Variants in FAM83B observed in about 807,000 individuals in gnomAD.
FAM83B encodes protein FAM83B.
FAM83B carries 26 observed loss-of-function variants against 38.8 expected under a neutral mutation model. The observed-to-expected ratio is 0.67, with a 90% CI of 0.49 to 0.93. The LOEUF is 0.93. Ranked by LOEUF, FAM83B falls within the 40% of genes least tolerant of loss-of-function variation. The pLI, the probability that FAM83B is intolerant of heterozygous loss-of-function variation, is 0.00. For synonymous variants in FAM83B, 419 were observed against 423.1 expected (o/e 0.99, Z 0.12); for missense variants, 1,237 against 1,197.3 (o/e 1.03, Z -0.49).
At chr6:54,849,077 T>C (rs1341854923) in intron 1 of FAM83B, among the ~76,000 whole-genome samples, 1 of 152,194 alleles carries the variant, frequency 6.6e-6, no homozygotes, top group Admixed American at 6.5e-5. Flanking sequence ...TGTTGTTGAA[T>C]TTATCATCTG....
At chr6:54,939,260 G>A (rs111489991) in intron 4 of FAM83B, among the ~76,000 whole-genome samples, 6,226 of 152,144 alleles carry the variant, frequency 0.041, 142 homozygotes, top group Non-Finnish European at 0.044. Context: ...TTTGGTAACC[G>A]TAGCCTTGTA....
chr6:54,941,768 G>T lies in FAM83B; in HGVS notation c.2797G>T (p.Val933Phe), dbSNP rs754035830. 2 of 1,614,082 alleles carry T rather than the reference G, an allele frequency of 1.2e-6. No homozygotes were observed. The highest frequency in any genetic ancestry group is 1.7e-6 in the Non-Finnish European group (2 of 1,180,016). ...LLRSHSTDRR[V>F]YSRFEPFCKI... Reference sequence around the variant, plus strand: ...ACGATCTCATTCAACTGATCGGCGTGTTTACAGTCGTTTTGAGCCGTTTTG... The same window carrying T: ...ACGATCTCATTCAACTGATCGGCGTTTTTACAGTCGTTTTGAGCCGTTTTG... The change falls in exon 5 of 5, where the codon GTT becomes TTT. Residue 933 changes from valine (V) to phenylalanine (F), a missense_variant. Coordinates refer to ENST00000306858, the MANE Select transcript of FAM83B (RefSeq NM_001010872.3).
chr6:54,936,089 T>C (rs1206191614), intron 4 of FAM83B, among the ~76,000 whole-genome samples: 1 of 152,110 alleles, frequency 6.6e-6, no homozygotes, highest in Non-Finnish European at 1.5e-5. Flanking sequence ...GTTAATGGCA[T>C]AGAAATCACC....
At chr6:54,871,833 G>C (rs973766536) in intron 2 of FAM83B, among the ~76,000 whole-genome samples, 1 of 148,320 alleles carries the variant, frequency 6.7e-6, no homozygotes, top group African/African-American at 2.5e-5. Flanking sequence ...ATGACTATGT[G>C]ATACAAAAAT....
chr6:54,888,578 C>G (rs540346631), intron 2 of FAM83B, among the ~76,000 whole-genome samples: 1 of 151,866 alleles, frequency 6.6e-6, no homozygotes, highest in Admixed American at 6.6e-5. Context: ...GTTATTTTAT[C>G]TTTAGGCCTT....
rs1346547978 is a variant in FAM83B at position 54,878,795 on chromosome 6, G to A, written c.444+8105G>A. Among the ~76,000 whole-genome samples, 4 of 152,108 alleles carry A rather than the reference G, an allele frequency of 2.6e-5. No homozygotes were observed. The East Asian group carries it at 7.7e-4, about 29-fold the overall frequency. ...ATTTTAAACCTGCTATATTTTAACA[G>A]TATACTTCTGGCTGTAATATTGAAA... On this transcript the variant is annotated intron_variant, in intron 2 of 4. Transcript: ENST00000306858.
rs1771480797 is a variant in FAM83B, at chr6:54,857,938, C to G, written c.-61+11112C>G. On this transcript the variant is annotated intron_variant, in intron 1 of 4. Coordinates refer to ENST00000306858, the MANE Select transcript of FAM83B (RefSeq NM_001010872.3). ...TGGATGGAACAGCTAGTGCAAAGAT[C>G]CTAAGTTGGAAATTAACTCAGGATG... 2.6e-5 allele frequency among the ~76,000 whole-genome samples: 4 copies of G among 152,020 alleles called. No homozygotes were observed. The South Asian group carries it at 8.3e-4, about 32-fold the overall frequency.
At chr6:54,928,477 T>C (rs547657768) in intron 4 of FAM83B, among the ~76,000 whole-genome samples, 17 of 152,182 alleles carry the variant, frequency 1.1e-4, no homozygotes, top group African/African-American at 4.1e-4. Flanking sequence ...ATTAAATGAG[T>C]TCATGCATCC....
At position 54,940,329 on chromosome 6, in the gene FAM83B, C is replaced by A. The variant is rs201956396; in HGVS notation, c.1358C>A (p.Thr453Lys). The A allele has an allele frequency of 6.2e-7, 1 of 1,614,024 alleles. No individual in the cohort carries two copies. The highest frequency in any genetic ancestry group is 2.2e-5 in the East Asian group (1 of 44,856). ...SFANRLAQRK[T>K]TNLADRNSNV... is the part of the protein sequence containing the mutation. ...GCCAATCGGCTTGCGCAGAGAAAAA[C>A]AACAAATCTTGCAGACAGGAATTCA... Residue 453 changes from threonine to lysine, a missense_variant, in exon 5 of 5, where the codon ACA becomes AAA. Physicochemically the swap from Thr to Lys is moderately conservative, Grantham distance 78. Coordinates refer to ENST00000306858, the MANE Select transcript of FAM83B (RefSeq NM_001010872.3).
chr6:54,914,419 A>G (rs1004746324), intron 2 of FAM83B, among the ~76,000 whole-genome samples: 3 of 152,092 alleles, frequency 2.0e-5, no homozygotes, highest in Non-Finnish European at 2.9e-5. Context: ...ATCAAACCCA[A>G]TGAATTTGAA....
At chr6:54,934,116 C>T (rs1773481126) in intron 4 of FAM83B, among the ~76,000 whole-genome samples, 2 of 152,068 alleles carry the variant, frequency 1.3e-5, no homozygotes, top group Middle Eastern at 3.2e-3. Context: ...CTATGGGGTA[C>T]GTAGGGCTTG....
chr6:54,906,826 A>G (rs1772786578), intron 2 of FAM83B, among the ~76,000 whole-genome samples: 1 of 152,230 alleles, frequency 6.6e-6, no homozygotes, highest in Non-Finnish European at 1.5e-5. Context: ...GCTAAGAATT[A>G]TATTTCAGTC....
chr6:54,870,573 A>G lies in FAM83B; in HGVS notation c.327A>G (p.Pro109=). The part of the protein sequence containing the change: ...VEAPNLDLGW[P]YVMPGLLGGT... ...CTCCAAATCTTGACTTAGGCTGGCC[A>G]TATGTGATGCCCGGACTCTTAGGGG... Residue 109 remains proline, a synonymous_variant, in exon 2 of 5, where the codon CCA becomes CCG. Coordinates refer to ENST00000306858, the MANE Select transcript of FAM83B (RefSeq NM_001010872.3). 6.2e-7 allele frequency: 1 copy of G among 1,614,110 alleles called. No homozygotes were observed. The highest frequency in any genetic ancestry group is 8.5e-7 in the Non-Finnish European group (1 of 1,179,994).
At chr6:54,907,728 T>C (rs990430580) in intron 2 of FAM83B, among the ~76,000 whole-genome samples, 21 of 152,134 alleles carry the variant, frequency 1.4e-4, no homozygotes, top group African/African-American at 5.1e-4. Flanking sequence ...GTATGAATTT[T>C]TTCTGTTCCA....
At chr6:54,864,209 TAGC>T (rs1447485241) in intron 1 of FAM83B, among the ~76,000 whole-genome samples, 1 of 152,100 alleles carries the variant, frequency 6.6e-6, no homozygotes, top group African/African-American at 2.4e-5. Flanking sequence ...AGAAGGCAAA[TAGC>T]AGCCAGTACA....
intron 4 of FAM83B, among the ~76,000 whole-genome samples, chr6:54,930,109 C>T (rs1773388353): frequency 6.6e-6 from 1 of 151,894 alleles, no homozygotes; most frequent in Non-Finnish European, 1.5e-5. Context: ...TTCTTGTCTG[C>T]ATTATAGTTT....
intron 2 of FAM83B, among the ~76,000 whole-genome samples, chr6:54,880,592 G>A (rs1772111035): frequency 6.6e-6 from 1 of 151,740 alleles, no homozygotes; most frequent in Non-Finnish European, 1.5e-5. Flanking sequence ...TTACAGGTGT[G>A]CGCCACCATG....
At position 54,886,899 on chromosome 6, in the gene FAM83B, T is replaced by G. The variant is rs184030626; in HGVS notation, c.444+16209T>G. ...TATCTTATGAGATTCAATATTTATA[T>G]ATACCTTATTATTATTTAAACTATC... On this transcript the variant is annotated intron_variant, in intron 2 of 4. Coordinates refer to ENST00000306858, the MANE Select transcript of FAM83B (RefSeq NM_001010872.3). Among the ~76,000 whole-genome samples the G allele has an allele frequency of 7.0e-3, 1,057 of 151,580 alleles. 7 individuals are homozygous for G. Among genetic ancestry groups the G allele is most frequent in the African/African-American group, 0.024 (994 of 40,950 alleles).
At chr6:54,883,935 C>T (rs13216252) in intron 2 of FAM83B, among the ~76,000 whole-genome samples, 19,975 of 151,722 alleles carry the variant, frequency 0.13, 1,577 homozygotes, top group African/African-American at 0.22. Flanking sequence ...TTTGGGAGGC[C>T]GAGGCGGGCA....
Sources: allele counts gnomAD v4.1 joint callset (sites outside exome capture counted in the v4.1 genomes callset), GRCh38; gene constraint gnomAD v4.1.1; transcripts MANE v1.5; gene names NCBI Gene and HGNC (gene_info 2026-07-23, HGNC 2026-07-21).